ZNF341: variants seen among roughly 807,000 people sequenced by gnomAD.
The protein encoded by ZNF341 is zinc finger protein 341.
ZNF341 carries 52 observed loss-of-function variants against 87.7 expected under a neutral mutation model. That is an observed-to-expected ratio of 0.59 (90% CI 0.47 to 0.75). The LOEUF (loss-of-function observed/expected upper bound fraction) is 0.75, where lower values mean the gene tolerates loss of function less well. Among genes scored for constraint, ZNF341 ranks in the 30% least tolerant of loss-of-function variants. The pLI is 0.00. For synonymous variants in ZNF341, 459 were observed against 472.7 expected, an observed-to-expected ratio of 0.97 and a Z score of 0.38; for missense variants, 977 against 1,145.9, an observed-to-expected ratio of 0.85 and a Z score of 2.13.
At chr20:33,786,804 CT>C (rs2019874740) in intron 12 of ZNF341, among the ~76,000 whole-genome samples, 2 of 151,682 alleles carry the variant, frequency 1.3e-5, no homozygotes, top group African/African-American at 4.8e-5. Context: ...CCCGTCTCTA[CT>C]AAAAATACAA....
intron 2 of ZNF341, among the ~76,000 whole-genome samples, chr20:33,743,163 C>G (rs970621158): frequency 6.6e-6 from 1 of 151,478 alleles, no homozygotes; most frequent in Non-Finnish European, 1.5e-5. Flanking sequence ...TCCTGAGTAG[C>G]TGGGACTACA....
chr20:33,769,234 G>A (rs2747556), intron 9 of ZNF341, among the ~76,000 whole-genome samples: 5,747 of 152,130 alleles, frequency 0.038, 382 homozygotes, highest in African/African-American at 0.13. Context: ...GCCGGCTATA[G>A]GCAGGCTCCT....
chr20:33,751,215 A>C (rs2019048287), intron 4 of ZNF341, among the ~76,000 whole-genome samples: 2 of 152,156 alleles, frequency 1.3e-5, no homozygotes, highest in Admixed American at 1.3e-4. Flanking sequence ...ATCCATAAAC[A>C]GACATCTTTG....
intron 4 of ZNF341, among the ~76,000 whole-genome samples, chr20:33,751,405 C>T (rs1256262772): frequency 6.6e-6 from 1 of 152,114 alleles, no homozygotes; most frequent in Non-Finnish European, 1.5e-5. Flanking sequence ...GAAAAAGACA[C>T]ATCAGGTGGA....
At chr20:33,734,729 G>C (rs2018643974) in intron 1 of ZNF341, among the ~76,000 whole-genome samples, 1 of 151,846 alleles carries the variant, frequency 6.6e-6, no homozygotes, top group African/African-American at 2.4e-5. Context: ...TTTTGAGACA[G>C]CATCTCACAC....
chr20:33,761,732 G>A (rs535307321), intron 7 of ZNF341, 130 bp from the exon 8 acceptor site: 10 of 749,190 alleles, frequency 1.3e-5, no homozygotes, highest in South Asian at 5.6e-5. Flanking sequence ...GGGGCTTGTC[G>A]CCGTGGTGTC....
intron 9 of ZNF341, among the ~76,000 whole-genome samples, chr20:33,767,502 T>A (rs140669279): frequency 6.6e-5 from 10 of 152,048 alleles, no homozygotes; most frequent in African/African-American, 2.4e-4. Context: ...ACTCCTGACC[T>A]CAAGTGATCC....
chr20:33,758,468 G>C (rs17090699), intron 6 of ZNF341, among the ~76,000 whole-genome samples: 1 of 152,168 alleles, frequency 6.6e-6, no homozygotes, highest in Non-Finnish European at 1.5e-5. Context: ...GGCAAAGAGC[G>C]TGGATTTGAT....
chr20:33,772,010 TAAAAAAA>T lies in ZNF341; in HGVS notation c.1622+1737_1622+1743del, dbSNP rs57345366. Among the ~76,000 whole-genome samples the T allele has an allele frequency of 2.5e-4, 14 of 56,166 alleles. No homozygotes were observed. The South Asian group carries it at 5.1e-3, about 20-fold the overall frequency. 36.8% of individuals were successfully genotyped at this position (56,166 alleles called of 152,430 possible). A position where few individuals can be genotyped will look rare whatever the true frequency, so the allele number is the denominator to read the frequency against. On this transcript the variant is annotated intron_variant, in intron 10 of 14. Transcript: ENST00000375200. ...GCCTGAGCGACAGAGACGCTTGTCT[TAAAAAAA>T]AAAAAAAAAAAAAAAAAAGATCTTC... is the stretch of plus-strand genomic sequence containing the variant.
intron 7 of ZNF341, among the ~76,000 whole-genome samples, chr20:33,760,232 G>C (rs1237358334): frequency 6.6e-6 from 1 of 152,018 alleles, no homozygotes; most frequent in Non-Finnish European, 1.5e-5. Context: ...GTGAAACCCC[G>C]TCTCTACTAA....
chr20:33,749,004 C>A lies in ZNF341; in HGVS notation c.421C>A (p.Leu141Ile), dbSNP rs1217811633. ...QGNILVSDDV[L>I]MSAMSAFTSL... is the part of the protein sequence containing the mutation. ...GAACATCTTGGTGAGCGATGATGTG[C>A]TCATGTCTGCCATGTCAGCCTTCAC... is the stretch of plus-strand genomic sequence containing the variant. The change falls in exon 4 of 15, where the codon CTC (leucine) becomes ATC (isoleucine). Residue 141 changes from leucine to isoleucine, a missense_variant. This residue lies in a region of ZNF341 where 515 missense variants were observed against 598.2 expected (regional missense o/e 0.86). Transcript: ENST00000375200. 1.2e-6 allele frequency: 2 copies of A among 1,614,190 alleles called. No individual in the cohort carries two copies. The highest frequency in any genetic ancestry group is 2.7e-5 in the African/African-American group (2 of 75,070).
At chr20:33,789,960 T>C (rs2122747700) in intron 14 of ZNF341, among the ~76,000 whole-genome samples, 1 of 152,214 alleles carries the variant, frequency 6.6e-6, no homozygotes, top group Admixed American at 6.5e-5. Context: ...TCCAAGCCAC[T>C]CCTCAGTTTC....
chr20:33,782,952 T>TA (rs200956849), intron 11 of ZNF341, among the ~76,000 whole-genome samples: 2,141 of 152,224 alleles, frequency 0.014, 52 homozygotes, highest in African/African-American at 0.048. Context: ...GGTCAGGAGT[T>TA]AGAGACCAGC....
At chr20:33,787,764 GTCT>G (rs2019898926) in intron 12 of ZNF341, 1 of 152,286 alleles carries the variant, frequency 6.6e-6, no homozygotes, top group South Asian at 2.1e-4. Flanking sequence ...CTGAACTTCA[GTCT>G]TCTTTCTTAT....
Position 33,791,149 on chromosome 20 carries a change from C to T in ZNF341, c.2197C>T (p.Leu733Phe), listed in dbSNP as rs765747537. 42 of 1,613,168 alleles carry T rather than the reference C, an allele frequency of 2.6e-5. No individual in the cohort carries two copies. Among genetic ancestry groups the T allele is most frequent in the Non-Finnish European group, 3.5e-5 (41 of 1,180,024 alleles). The change falls in exon 15 of 15, where the codon CTC (leucine) becomes TTC (phenylalanine). Residue 733 changes from leucine (L) to phenylalanine (F), a missense_variant. Around this residue, in one of 3 missense-constraint regions of ZNF341, gnomAD observed 221 missense variants for 212.7 expected, o/e 1.04. Coordinates refer to ENST00000375200, the MANE Select transcript of ZNF341 (RefSeq NM_001282933.2). The part of the protein sequence containing the change: ...HKYLKDHRCR[L>F]GPQKDKDLQT... The stretch of plus-strand genomic sequence containing the variant: ...ATACCTCAAAGATCACCGCTGTCGT[C>T]TCGGCCCCCAAAAGGACAAGGACCT...
At chr20:33,742,008 C>T (rs1332966541) in intron 2 of ZNF341, among the ~76,000 whole-genome samples, 3 of 152,098 alleles carry the variant, frequency 2.0e-5, no homozygotes, top group African/African-American at 7.2e-5. Flanking sequence ...AAGTTTGTTT[C>T]TGTGTTACGC....
chr20:33,790,736 C>T (rs1166313634), intron 14 of ZNF341, among the ~76,000 whole-genome samples: 1 of 152,144 alleles, frequency 6.6e-6, no homozygotes, highest in Non-Finnish European at 1.5e-5. Context: ...AGAGAGTGAG[C>T]AGCTGTTCCA....
At chr20:33,790,933 A>G (rs897549452) in intron 14 of ZNF341, 55 bp from the exon 15 acceptor site, 3 of 1,552,354 alleles carry the variant, frequency 1.9e-6, no homozygotes, top group South Asian at 2.4e-5. Context: ...AGCGCAGGGC[A>G]CTGTTGCGGG....
At position 33,791,117 on chromosome 20, in the gene ZNF341, G is replaced by T. The variant is rs557327910; in HGVS notation, c.2165G>T (p.Arg722Leu). The stretch of plus-strand genomic sequence containing the variant: ...GCTGGCTGCGCCAAGGGCTTTTCCC[G>T]CCACAAATACCTCAAAGATCACCGC... ...RCAGCAKGFS[R>L]HKYLKDHRCR... Residue 722 changes from arginine (R) to leucine (L), a missense_variant, in exon 15 of 15, where the codon CGC (arginine) becomes CTC (leucine). Arg to Leu is a moderately radical substitution (Grantham distance 102). Coordinates refer to ENST00000375200, the MANE Select transcript of ZNF341 (RefSeq NM_001282933.2). 5 of 1,613,322 alleles carry T rather than the reference G, an allele frequency of 3.1e-6. No individual in the cohort carries two copies. The highest frequency in any genetic ancestry group is 1.6e-4 in the Middle Eastern group (1 of 6,062).
Sources: gnomAD v4.1 joint callset for allele counts (sites outside exome capture counted in the v4.1 genomes callset) on GRCh38, gnomAD v4.1.1 for gene constraint, gnomAD v4.1.1 regional missense constraint, MANE v1.5 for transcripts, NCBI Gene and HGNC (gene_info 2026-07-23, HGNC 2026-07-21) for gene names.